Variants in COPS3 observed in about 807,000 individuals in gnomAD.
COPS3 encodes COP9 signalosome complex subunit 3.
A neutral mutation model predicts 58.2 loss-of-function variants in COPS3; 10 were observed. That is an observed-to-expected ratio of 0.17 (90% CI 0.11 to 0.29). The LOEUF is 0.29. Ranked by LOEUF, COPS3 falls within the 10% of genes least tolerant of loss-of-function variation. The pLI, the probability that COPS3 is intolerant of heterozygous loss-of-function variation, is 1.00. For missense variants in COPS3, 333 were observed against 510.1 expected (o/e 0.65, Z 3.34); for synonymous variants, 187 against 181.7 (o/e 1.03, Z -0.24).
rs1421733816 is a variant in COPS3, at chr17:17,270,747, G to T, written c.348+11C>A. On this transcript the variant is annotated intron_variant, in intron 4 of 11. Transcript: ENST00000268717. ...TAACAAAACTAGGAATACTTGAATAGTATTTCTTACCTGTTTTCTTTCCAC... is the reference window on the plus strand; with the variant it reads ...TAACAAAACTAGGAATACTTGAATATTATTTCTTACCTGTTTTCTTTCCAC... 2 of 1,579,088 alleles carry T rather than the reference G, an allele frequency of 1.3e-6. No homozygotes were observed. Among genetic ancestry groups the T allele is most frequent in the South Asian group, 1.1e-5 (1 of 87,680 alleles).
chr17:17,249,739 G>A (rs1445977927), intron 9 of COPS3, among the ~76,000 whole-genome samples: 7 of 152,158 alleles, frequency 4.6e-5, no homozygotes, highest in African/African-American at 1.4e-4. Flanking sequence ...TGAGCCATCC[G>A]CCTCGGCTTC....
In COPS3 at chr17:17,281,183, C is replaced by A. The variant is rs1420028668; in HGVS notation, c.4G>T (p.Ala2Ser). Residue 2 changes from alanine to serine, a missense_variant, in exon 1 of 12, where the codon GCG becomes TCG. Ala to Ser is a moderately conservative substitution (Grantham distance 99). Transcript: ENST00000268717. The stretch of plus-strand genomic sequence containing the variant: ...TTCACGAACTGCTCCAGGGCAGACG[C>A]CATGTTTTCCCCCGGGCGGCCCGAG... M[A>S]SALEQFVNSV... 5.6e-6 allele frequency: 9 copies of A among 1,610,564 alleles called. No individual in the cohort carries two copies. The highest frequency in any genetic ancestry group is 7.6e-6 in the Non-Finnish European group (9 of 1,178,726).
intron 8 of COPS3, 97 bp from the exon 9 acceptor site, chr17:17,255,042 CTG>C (rs1250140808): frequency 2.6e-6 from 2 of 773,166 alleles, no homozygotes; most frequent in Non-Finnish European, 4.4e-6. Flanking sequence ...TGGCTCATGT[CTG>C]TAATCCCAGC....
At chr17:17,267,422 T>C (rs1356551663) in intron 5 of COPS3, among the ~76,000 whole-genome samples, 2 of 150,912 alleles carry the variant, frequency 1.3e-5, no homozygotes. Flanking sequence ...GGGTGGATCA[T>C]GAGGTCAGGA....
At chr17:17,260,183 A>G in intron 8 of COPS3, 118 bp downstream of exon 8, 1 of 1,009,302 alleles carries the variant, frequency 9.9e-7, no homozygotes, top group Non-Finnish European at 1.5e-6. Context: ...CTCTCAGCAC[A>G]GAAATCCTGC....
chr17:17,268,132 A>G, intron 4 of COPS3, 155 bp from the exon 5 acceptor site: 1 of 1,149,092 alleles, frequency 8.7e-7, no homozygotes, highest in Non-Finnish European at 1.1e-6. Flanking sequence ...TTTCTGTCCC[A>G]TTTAAGTCAG....
intron 1 of COPS3, chr17:17,280,697 TCGC>T: frequency 7.8e-7 from 1 of 1,277,020 alleles, no homozygotes; most frequent in Non-Finnish European, 1.0e-6. Context: ...CAGAACGGAC[TCGC>T]CTCCCGCCCG....
intron 1 of COPS3, chr17:17,280,671 A>G (rs1311777415): frequency 7.7e-7 from 1 of 1,306,206 alleles, no homozygotes; most frequent in East Asian, 5.5e-5. Context: ...GAGGCGAGCC[A>G]TAGAGCCAAG....
At position 17,261,971 on chromosome 17, in the gene COPS3, T is replaced by C; in HGVS notation, c.757A>G (p.Ile253Val). ...KYTSQIVGRFIKPLSNAYHEL... is the reference protein window; with the variant it reads ...KYTSQIVGRFVKPLSNAYHEL... ...GTTTTATGTAAAAAACTTACCTTAATGAATCTACCCACAATTTGAGATGTA... is the reference window on the plus strand; with the variant it reads ...GTTTTATGTAAAAAACTTACCTTAACGAATCTACCCACAATTTGAGATGTA... Residue 253 changes from isoleucine (I) to valine (V), a missense_variant, in exon 7 of 12, where the codon ATT becomes GTT. Coordinates refer to ENST00000268717, the MANE Select transcript of COPS3 (RefSeq NM_003653.4). 1.3e-6 allele frequency: 2 copies of C among 1,580,134 alleles called. No individual in the cohort carries two copies. Among genetic ancestry groups the C allele is most frequent in the South Asian group, 1.1e-5 (1 of 88,046 alleles).
intron 11 of COPS3, 129 bp downstream of exon 11, chr17:17,247,351 C>A: frequency 1.0e-6 from 1 of 988,336 alleles, no homozygotes. Flanking sequence ...ACTAGTATTT[C>A]TCCATGACCG....
chr17:17,274,048 CACAT>C (rs1166365815), intron 2 of COPS3, among the ~76,000 whole-genome samples: 4 of 152,176 alleles, frequency 2.6e-5, no homozygotes, highest in Non-Finnish European at 5.9e-5. Flanking sequence ...GTTTTATACA[CACAT>C]AAACTCACAT....
intron 8 of COPS3, among the ~76,000 whole-genome samples, chr17:17,257,745 C>T (rs933267862): frequency 2.1e-5 from 3 of 141,120 alleles, no homozygotes; most frequent in East Asian, 2.1e-4. Context: ...TGCAGTGAGC[C>T]GAGATCGAGC....
intron 8 of COPS3, among the ~76,000 whole-genome samples, chr17:17,259,622 C>T (rs1450810002): frequency 2.6e-5 from 4 of 152,202 alleles, no homozygotes; most frequent in Admixed American, 6.5e-5. Flanking sequence ...TGGCTGGGTG[C>T]GGTGGTTCAT....
At chr17:17,258,517 T>A (rs767877832) in intron 8 of COPS3, among the ~76,000 whole-genome samples, 2 of 152,224 alleles carry the variant, frequency 1.3e-5, no homozygotes, top group Non-Finnish European at 2.9e-5. Context: ...TTTAACATCT[T>A]TTGTAACATG....
intron 8 of COPS3, among the ~76,000 whole-genome samples, chr17:17,258,929 G>A (rs997052788): frequency 2.6e-5 from 4 of 151,968 alleles, no homozygotes; most frequent in African/African-American, 9.7e-5. Flanking sequence ...AGAGTATTTG[G>A]AAGGATTCTT....
chr17:17,254,821 A>AG (rs1014306665), intron 9 of COPS3, 38 bp downstream of exon 9: 24 of 1,358,970 alleles, frequency 1.8e-5, no homozygotes, highest in Non-Finnish European at 2.3e-5. Flanking sequence ...AAAGAAAAAA[A>AG]AAAAAAAAAA....
chr17:17,273,677 CCT>C (rs1175924136), intron 2 of COPS3, among the ~76,000 whole-genome samples: 3 of 152,090 alleles, frequency 2.0e-5, no homozygotes, highest in Non-Finnish European at 4.4e-5. Context: ...GTGATGAAAC[CCT>C]GTCTTTACAA....
At chr17:17,261,869 A>C in intron 7 of COPS3, 97 bp downstream of exon 7, 2 of 1,059,290 alleles carry the variant, frequency 1.9e-6, no homozygotes, top group Non-Finnish European at 2.8e-6. Context: ...AGGAGAGCTA[A>C]ATCAGTATAA....
chr17:17,276,882 G>A (rs1002812037), intron 1 of COPS3, among the ~76,000 whole-genome samples: 2 of 151,876 alleles, frequency 1.3e-5, no homozygotes, highest in African/African-American at 4.8e-5. Flanking sequence ...CCTCCAACCC[G>A]CACTCCATAT....
Sources: gnomAD v4.1 joint callset for allele counts (sites outside exome capture counted in the v4.1 genomes callset) on GRCh38, gnomAD v4.1.1 for gene constraint, MANE v1.5 for transcripts, NCBI Gene and HGNC (gene_info 2026-07-23, HGNC 2026-07-21) for gene names.